PCCB: variants seen among roughly 807,000 people sequenced by gnomAD.
PCCB encodes propionyl-CoA carboxylase beta chain, mitochondrial.
PCCB carries 43 observed loss-of-function variants against 60.7 expected under a neutral mutation model. The ratio of observed to expected loss-of-function variants is 0.71; its 90% confidence interval spans 0.55 to 0.91. The LOEUF (loss-of-function observed/expected upper bound fraction) is 0.91. PCCB is among the 40% of genes least tolerant of loss of function. The pLI is 0.00. For synonymous variants in PCCB, 276 were observed against 255.9 expected, an observed-to-expected ratio of 1.08 and a Z score of -0.75; for missense variants, 766 against 702.8, an observed-to-expected ratio of 1.09 and a Z score of -1.02.
chr3:136,261,986 T>G lies in PCCB; in HGVS notation c.464T>G (p.Val155Gly), dbSNP rs867341154. 1.3e-6 allele frequency: 2 copies of G among 1,561,276 alleles called. No homozygotes were observed. Among genetic ancestry groups the G allele is most frequent in the South Asian group, 2.4e-5 (2 of 84,774 alleles). Reference sequence around the variant, plus strand: ...CAGGCCATAACGGTGGGGGCTCCAGTGATTGGGCTGAATGACTCTGGGGGA... The same window carrying G: ...CAGGCCATAACGGTGGGGGCTCCAGGGATTGGGCTGAATGACTCTGGGGGA... The part of the protein sequence containing the change: ...MDQAITVGAP[V>G]IGLNDSGGAR... The change falls in exon 5 of 15, where the codon GTG (valine) becomes GGG (glycine). Residue 155 changes from valine to glycine, a missense_variant. Physicochemically the swap from Val to Gly is moderately radical, Grantham distance 109 (BLOSUM62 -3). Transcript: ENST00000251654.
intron 1 of PCCB, chr3:136,251,431 T>C: frequency 2.4e-6 from 1 of 418,134 alleles, no homozygotes; most frequent in Non-Finnish European, 4.9e-6. Context: ...CAGGCACAAC[T>C]CACAACCATG....
intron 7 of PCCB, among the ~76,000 whole-genome samples, chr3:136,294,756 T>C (rs1479067984): frequency 6.6e-6 from 1 of 152,098 alleles, no homozygotes; most frequent in African/African-American, 2.4e-5. Flanking sequence ...ATTACAGGTA[T>C]GTCACATCAT....
chr3:136,264,824 A>T (rs1941940029), intron 5 of PCCB, among the ~76,000 whole-genome samples: 1 of 149,362 alleles, frequency 6.7e-6, no homozygotes, highest in South Asian at 2.1e-4. Flanking sequence ...GCAGTCAGCC[A>T]AGATTGCGCC....
chr3:136,329,946 C>T lies in PCCB; in HGVS notation c.1540C>T (p.Arg514Ter), dbSNP rs749908889. Residue 514 changes from arginine to a stop codon, truncating the protein, a stop_gained, in exon 15 of 15, where the codon CGA (arginine) becomes TGA (stop). Coordinates refer to ENST00000251654, the MANE Select transcript of PCCB (RefSeq NM_000532.5). LOFTEE classifies it high-confidence loss of function. Reference protein sequence around the residue: ...DIIQPSSTRARICCDLDVLAS... With the variant: ...DIIQPSSTRA ...CATCCAACCTTCTTCCACACGTGCC[C>T]GAATCTGCTGTGACCTGGATGTCTT... 12 of 1,614,000 alleles carry T rather than the reference C, an allele frequency of 7.4e-6. No homozygotes were observed. Among genetic ancestry groups the T allele is most frequent in the Middle Eastern group, 1.6e-4 (1 of 6,084 alleles).
intron 10 of PCCB, among the ~76,000 whole-genome samples, chr3:136,324,701 A>G (rs1474880687): frequency 6.6e-6 from 1 of 152,018 alleles, no homozygotes; most frequent in Non-Finnish European, 1.5e-5. Flanking sequence ...AATGCCTGCT[A>G]CATTTCCAGC....
chr3:136,301,044 C>T lies in PCCB; in HGVS notation c.899C>T (p.Pro300Leu). Residue 300 changes from proline to leucine, a missense_variant, in exon 9 of 15, where the codon CCT becomes CTT. Physicochemically the swap from Pro to Leu is moderately conservative, Grantham distance 98. Transcript: ENST00000251654. ...ECHDPSDRLV[P>L]ELDTIVPLES... ...TCTGCCTAAAGTGACCGTCTGGTTC[C>T]TGAGCTTGACACAATTGTCCCTTTG... is the stretch of plus-strand genomic sequence containing the variant. 1.9e-6 allele frequency: 3 copies of T among 1,614,126 alleles called. No individual in the cohort carries two copies. The highest frequency in any genetic ancestry group is 2.5e-6 in the Non-Finnish European group (3 of 1,179,978).
Position 136,306,892 on chromosome 3 carries a change from C to T in PCCB, c.966+5781C>T, listed in dbSNP as rs2108214268. Among the ~76,000 whole-genome samples the T allele has an allele frequency of 1.6e-5, 2 of 122,692 alleles. 1 individual carries two copies. Among genetic ancestry groups the T allele is most frequent in the South Asian group, 6.3e-4 (2 of 3,174 alleles). 80.5% of individuals were successfully genotyped at this position (122,692 alleles called of 152,430 possible). Reference sequence around the variant, plus strand: ...CAGATTTATATAATGAAAGAGCACACTGAGCACGTGGGAAAATTGACCCAG... The same window carrying T: ...CAGATTTATATAATGAAAGAGCACATTGAGCACGTGGGAAAATTGACCCAG... On this transcript the variant is annotated intron_variant, in intron 9 of 14. Coordinates refer to ENST00000251654, the MANE Select transcript of PCCB (RefSeq NM_000532.5).
chr3:136,273,597 C>CTTTTTTTTTTTTTTTTTTTTTTTTTTTTT, intron 5 of PCCB, among the ~76,000 whole-genome samples: 129 of 45,224 alleles, frequency 2.9e-3, no homozygotes, highest in Middle Eastern at 0.015. Context: ...TTTCTTTTTT[C>CTTTTTTTTTTTTTTTTTTTTTTTTTTTTT]TTTTTTTTTT....
intron 7 of PCCB, among the ~76,000 whole-genome samples, chr3:136,296,807 A>G (rs909079295): frequency 3.3e-5 from 5 of 152,368 alleles, no homozygotes; most frequent in Non-Finnish European, 5.9e-5. Context: ...TTAAAAATTT[A>G]AAATAGAATA....
At chr3:136,310,762 A>G (rs1050018887) in intron 9 of PCCB, among the ~76,000 whole-genome samples, 2 of 152,290 alleles carry the variant, frequency 1.3e-5, no homozygotes, top group African/African-American at 2.4e-5. Flanking sequence ...GCCTACTGGG[A>G]TGTATTCTAG....
At chr3:136,254,309 C>A (rs188626741) in intron 1 of PCCB, among the ~76,000 whole-genome samples, 6 of 151,780 alleles carry the variant, frequency 4.0e-5, no homozygotes, top group Non-Finnish European at 8.8e-5. Flanking sequence ...ACCCCTGCCC[C>A]CTGGGTTCAA....
At chr3:136,293,901 C>A in intron 7 of PCCB, 37 bp downstream of exon 7, 1 of 1,222,870 alleles carries the variant, frequency 8.2e-7, no homozygotes, top group Non-Finnish European at 1.2e-6. Context: ...TGTTTTCAAA[C>A]ATTGAGAAGA....
At chr3:136,265,727 G>C (rs1941965335) in intron 5 of PCCB, among the ~76,000 whole-genome samples, 1 of 151,976 alleles carries the variant, frequency 6.6e-6, no homozygotes, top group Non-Finnish European at 1.5e-5. Context: ...TTGCCAGATG[G>C]TTTTCCAAAA....
intron 9 of PCCB, among the ~76,000 whole-genome samples, chr3:136,310,467 A>G (rs1934620101): frequency 6.6e-6 from 1 of 152,182 alleles, no homozygotes; most frequent in South Asian, 2.1e-4. Context: ...GGGAGCAGTT[A>G]ACCATGTTTG....
chr3:136,278,291 T>A lies in PCCB; in HGVS notation c.544-5546T>A, dbSNP rs375842180. 7.8e-4 allele frequency among the ~76,000 whole-genome samples: 119 copies of A among 152,284 alleles called. 4 individuals carry two copies. The South Asian group carries it at 0.023, about 30-fold the overall frequency. On this transcript the variant is annotated intron_variant, in intron 5 of 14. Transcript: ENST00000251654. ...TCTCTCTATCTCACACTCTGGAGACTTACAGTTTTTCCCTTGTCTTATGGT... is the reference window on the plus strand; with the variant it reads ...TCTCTCTATCTCACACTCTGGAGACATACAGTTTTTCCCTTGTCTTATGGT...
At chr3:136,282,964 A>G (rs1328555435) in intron 5 of PCCB, among the ~76,000 whole-genome samples, 3 of 152,190 alleles carry the variant, frequency 2.0e-5, no homozygotes, top group African/African-American at 4.8e-5. Flanking sequence ...AATGCTGTCC[A>G]GTTGTTTTTG....
chr3:136,326,330 C>A (rs1935307930), intron 10 of PCCB: 1 of 702,750 alleles, frequency 1.4e-6, no homozygotes, highest in Non-Finnish European at 2.6e-6. Flanking sequence ...TTATAGATTC[C>A]ATTTCCTTTA....
chr3:136,273,055 C>G (rs1016038520), intron 5 of PCCB, among the ~76,000 whole-genome samples: 1 of 152,006 alleles, frequency 6.6e-6, no homozygotes, highest in African/African-American at 2.4e-5. Flanking sequence ...AAATTTTTAT[C>G]TTGATTTATT....
chr3:136,251,051 C>T (rs1941502292), intron 1 of PCCB, among the ~76,000 whole-genome samples: 1 of 152,302 alleles, frequency 6.6e-6, no homozygotes, highest in East Asian at 1.9e-4. Flanking sequence ...TGTGCGCGTG[C>T]AGGAACTTGT....
Sources: gnomAD v4.1 joint callset for allele counts (sites outside exome capture counted in the v4.1 genomes callset) on GRCh38, gnomAD v4.1.1 for gene constraint, MANE v1.5 for transcripts, NCBI Gene and HGNC (gene_info 2026-07-23, HGNC 2026-07-21) for gene names.